NRXN1: variants seen among roughly 807,000 people sequenced by gnomAD.
NRXN1 encodes the protein neurexin-1.
NRXN1 carries 39 observed loss-of-function variants against 150.9 expected under a neutral mutation model. The ratio of observed to expected loss-of-function variants is 0.26; its 90% confidence interval spans 0.20 to 0.34. The LOEUF is 0.34. Among genes scored for constraint, NRXN1 ranks in the 10% least tolerant of loss-of-function variants. The probability of loss-of-function intolerance (pLI) is 1.00; values close to 1 mark genes in which losing one functional copy is unlikely to be tolerated. For synonymous variants in NRXN1, 924 were observed against 757.0 expected (o/e 1.22, Z -3.62); for missense variants, 1,815 against 1,949.9 (o/e 0.93, Z 1.30).
chr2:50,538,698 TTCTC>T (rs2093323976), intron 9 of NRXN1, 62 bp from the exon 10 acceptor site: 7 of 1,336,224 alleles, frequency 5.2e-6, no homozygotes, highest in Admixed American at 5.5e-5. Context: ...ATAATTATCT[TTCTC>T]TCTTTCGTCT....
chr2:50,985,988 GA>G (rs1453994279), intron 2 of NRXN1, among the ~76,000 whole-genome samples: 10 of 151,490 alleles, frequency 6.6e-5, no homozygotes, highest in Non-Finnish European at 4.4e-5. Context: ...AAATTACAGA[GA>G]AAATGAACAA....
chr2:50,662,529 T>C (rs1687443260), intron 5 of NRXN1, among the ~76,000 whole-genome samples: 1 of 152,056 alleles, frequency 6.6e-6, no homozygotes, highest in African/African-American at 2.4e-5. Flanking sequence ...AGGACAGCTT[T>C]GAATGCAGCC....
At chr2:50,496,496 C>T (rs183191473) in intron 14 of NRXN1, among the ~76,000 whole-genome samples, 2 of 152,144 alleles carry the variant, frequency 1.3e-5, no homozygotes, top group Admixed American at 6.5e-5. Context: ...GGATAGGGAA[C>T]GTGTACTCAT....
intron 5 of NRXN1, among the ~76,000 whole-genome samples, chr2:50,640,574 T>A (rs1176172640): frequency 6.6e-6 from 1 of 152,170 alleles, no homozygotes; most frequent in Non-Finnish European, 1.5e-5. Context: ...CTCTCAAGCT[T>A]TCTTTGTAAG....
intron 15 of NRXN1, among the ~76,000 whole-genome samples, chr2:50,478,093 A>G (rs1048158332): frequency 6.6e-6 from 1 of 152,122 alleles, no homozygotes; most frequent in Non-Finnish European, 1.5e-5. Flanking sequence ...TGTAGGTCAG[A>G]CCTTATCTAG....
At chr2:50,210,578 T>C (rs1447762744) in intron 18 of NRXN1, among the ~76,000 whole-genome samples, 1 of 151,764 alleles carries the variant, frequency 6.6e-6, no homozygotes, top group Non-Finnish European at 1.5e-5. Flanking sequence ...AACTTGTTGA[T>C]CCATATAATA....
At chr2:50,746,617 A>T (rs1700058669) in intron 5 of NRXN1, among the ~76,000 whole-genome samples, 1 of 152,140 alleles carries the variant, frequency 6.6e-6, no homozygotes, top group African/African-American at 2.4e-5. Flanking sequence ...CTGATTTTCA[A>T]GTACAATTCA....
intron 5 of NRXN1, among the ~76,000 whole-genome samples, chr2:50,761,244 T>G (rs3850330): frequency 6.6e-6 from 1 of 151,754 alleles, no homozygotes; most frequent in East Asian, 2.0e-4. Context: ...TTCACAGGTG[T>G]TATGATTTGG....
chr2:50,475,133 C>T (rs954119445), intron 15 of NRXN1, among the ~76,000 whole-genome samples: 1 of 152,012 alleles, frequency 6.6e-6, no homozygotes, highest in Non-Finnish European at 1.5e-5. Context: ...AGCTCTCCTC[C>T]AGGACTAATG....
At chr2:50,629,432 T>C (rs768190132) in intron 5 of NRXN1, among the ~76,000 whole-genome samples, 60 of 151,748 alleles carry the variant, frequency 4.0e-4, no homozygotes, top group Non-Finnish European at 5.2e-4. Flanking sequence ...CTAGCCTCTG[T>C]TGTTGTAAAT....
intron 5 of NRXN1, among the ~76,000 whole-genome samples, chr2:50,768,222 C>G (rs374072878): frequency 1.3e-5 from 2 of 152,118 alleles, no homozygotes; most frequent in South Asian, 2.1e-4. Context: ...ATTTGCTAAC[C>G]ATGTGGAAGA....
At chr2:50,704,684 G>C (rs1293995910) in intron 5 of NRXN1, among the ~76,000 whole-genome samples, 1 of 151,042 alleles carries the variant, frequency 6.6e-6, no homozygotes, top group Non-Finnish European at 1.5e-5. Context: ...TTAGGGCTCT[G>C]TGTTTCATTT....
Position 50,506,567 on chromosome 2 carries a change from A to C in NRXN1, c.2425T>G (p.Trp809Gly). The C allele has an allele frequency of 6.2e-7, 1 of 1,613,316 alleles. No homozygotes were observed. The highest frequency in any genetic ancestry group is 8.5e-7 in the Non-Finnish European group (1 of 1,179,516). ...FAGYNLNDNE[W>G]HTVRVVRRGK... ...CGCCGAACTACACGCACTGTGTGCC[A>C]CTCGTTATCATTGAGGTTATAGCCA... The change falls in exon 13 of 23, where the codon TGG becomes GGG. Residue 809 changes from tryptophan (W) to glycine (G), a missense_variant. Trp to Gly is a radical substitution (Grantham distance 184, BLOSUM62 -2). This residue lies in a region of NRXN1 where 638 missense variants were observed against 652.6 expected (regional missense o/e 0.98). Coordinates refer to ENST00000401669, the MANE Select transcript of NRXN1 (RefSeq NM_001330078.2).
Position 51,031,209 on chromosome 2 carries a change from G to A in NRXN1, c.-922+772C>T, listed in dbSNP as rs1049747775. The stretch of plus-strand genomic sequence containing the variant: ...AAAGACCTGGCCAGTTCACAAATTA[G>A]AGGATGAAATAAAGGGATCTGAAAA... On this transcript the variant is annotated intron_variant, in intron 1 of 22. Coordinates refer to ENST00000401669, the MANE Select transcript of NRXN1 (RefSeq NM_001330078.2). Among the ~76,000 whole-genome samples, 36 of 152,054 alleles carry A rather than the reference G, an allele frequency of 2.4e-4. 1 individual carries two copies. Among genetic ancestry groups the A allele is most frequent in the Admixed American group, 1.9e-3 (29 of 15,252 alleles).
intron 15 of NRXN1, among the ~76,000 whole-genome samples, chr2:50,488,823 C>T (rs991446219): frequency 6.6e-6 from 1 of 152,194 alleles, no homozygotes; most frequent in Non-Finnish European, 1.5e-5. Context: ...TCTCAGATGG[C>T]TGACAAAGAC....
rs1025736933 is a variant in NRXN1 at position 50,224,673 on chromosome 2, AAG to A, written c.3546+12114_3546+12115del. On this transcript the variant is annotated intron_variant, in intron 18 of 22. Transcript: ENST00000401669. ...TAGAGGTTGGCACAGCAGAAGATTAAAGAGAGAGAGAGAGGGAGAAAGAGAGA... is the reference window on the plus strand; with the variant it reads ...TAGAGGTTGGCACAGCAGAAGATTAAAGAGAGAGAGAGGGAGAAAGAGAGA... Among the ~76,000 whole-genome samples the A allele has an allele frequency of 8.4e-3, 1,172 of 140,336 alleles. 16 individuals are homozygous for A. The highest frequency in any genetic ancestry group is 0.03 in the African/African-American group (1,099 of 36,586). 92.1% of individuals were successfully genotyped at this position (140,336 alleles called of 152,430 possible).
At chr2:50,577,109 C>G (rs1362685838) in intron 8 of NRXN1, among the ~76,000 whole-genome samples, 3 of 152,020 alleles carry the variant, frequency 2.0e-5, no homozygotes, top group Non-Finnish European at 4.4e-5. Context: ...CAAATCTCAG[C>G]ATTTTTTCAC....
At chr2:50,563,725 A>G (rs1474254993) in intron 8 of NRXN1, among the ~76,000 whole-genome samples, 1 of 152,146 alleles carries the variant, frequency 6.6e-6, no homozygotes, top group East Asian at 1.9e-4. Context: ...TTTTCTTTGT[A>G]TGGACAGTTT....
intron 5 of NRXN1, among the ~76,000 whole-genome samples, chr2:50,711,388 T>C (rs1695130652): frequency 6.9e-6 from 1 of 145,756 alleles, no homozygotes; most frequent in Non-Finnish European, 1.5e-5. Context: ...CAGGCTGGAG[T>C]GCAATGGCAC....
Sources: gnomAD v4.1 joint callset for allele counts (sites outside exome capture counted in the v4.1 genomes callset) on GRCh38, gnomAD v4.1.1 for gene constraint, gnomAD v4.1.1 regional missense constraint, MANE v1.5 for transcripts, NCBI Gene and HGNC (gene_info 2026-07-23, HGNC 2026-07-21) for gene names.